Variants in PLEKHH1 observed in about 807,000 individuals in gnomAD.
PLEKHH1 encodes pleckstrin homology domain-containing family H member 1.
Under a neutral mutation model 160.0 loss-of-function variants are expected in PLEKHH1, and 104 were observed. The ratio of observed to expected loss-of-function variants is 0.65; its 90% CI spans 0.55 to 0.76. The LOEUF (loss-of-function observed/expected upper bound fraction) is 0.76, where lower values mean the gene tolerates loss of function less well. Among genes scored for constraint, PLEKHH1 ranks in the 30% least tolerant of loss-of-function variants. PLEKHH1 has a pLI of 0.00. For synonymous variants in PLEKHH1, 619 were observed against 678.4 expected, an observed-to-expected ratio of 0.91 and a Z score of 1.36; for missense variants, 1,427 against 1,724.1, an observed-to-expected ratio of 0.83 and a Z score of 3.05.
At chr14:67,568,706 A>C (rs867169794) in intron 7 of PLEKHH1, among the ~76,000 whole-genome samples, 1 of 152,172 alleles carries the variant, frequency 6.6e-6, no homozygotes, top group Non-Finnish European at 1.5e-5. Flanking sequence ...GTGTGGCCGC[A>C]GTGGCTTCCT....
At chr14:67,568,997 A>G in intron 7 of PLEKHH1, 141 bp from the exon 8 acceptor site, 1 of 598,474 alleles carries the variant, frequency 1.7e-6, no homozygotes, top group South Asian at 2.0e-5. Context: ...AAATGAAGTA[A>G]CTTGCCCAAG....
chr14:67,539,929 G>A (rs1283044697), intron 1 of PLEKHH1, among the ~76,000 whole-genome samples: 2 of 152,184 alleles, frequency 1.3e-5, no homozygotes, highest in Non-Finnish European at 2.9e-5. Context: ...TGTAGTGTAT[G>A]ATGGGAGAAA....
chr14:67,569,799 C>T (rs916549461), intron 8 of PLEKHH1, 122 bp from the exon 9 acceptor site: 9 of 692,544 alleles, frequency 1.3e-5, no homozygotes, highest in South Asian at 5.0e-5. Flanking sequence ...CCTGGCCCCC[C>T]TCTTGAGATC....
intron 22 of PLEKHH1, 91 bp downstream of exon 22, chr14:67,579,967 T>C (rs1434627777): frequency 8.0e-7 from 1 of 1,244,014 alleles, no homozygotes; most frequent in African/African-American, 1.5e-5. Flanking sequence ...GTCTGACTGT[T>C]TGGTAGCTCA....
chr14:67,562,183 A>G lies in PLEKHH1; in HGVS notation c.552A>G (p.Gly184=). The G allele has an allele frequency of 6.2e-7, 1 of 1,611,616 alleles. No homozygotes were observed. Among genetic ancestry groups the G allele is most frequent in the Non-Finnish European group, 8.5e-7 (1 of 1,178,776 alleles). The change falls in exon 7 of 29, where the codon GGA becomes GGG. Residue 184 remains glycine (G), a synonymous_variant. Coordinates refer to ENST00000329153, the MANE Select transcript of PLEKHH1 (RefSeq NM_020715.3). The part of the protein sequence containing the change: ...PSRKLLVPPY[G]AAEQDSVPSE... ...GGAAGCTGCTGGTGCCCCCCTACGG[A>G]GCTGCAGAGCAGGATTCTGTCCCTT...
intron 7 of PLEKHH1, 104 bp downstream of exon 7, chr14:67,562,998 C>G: frequency 1.6e-6 from 2 of 1,216,324 alleles, no homozygotes; most frequent in Non-Finnish European, 2.2e-6. Flanking sequence ...CTGCTGGCAT[C>G]CTCATGGTGG....
intron 5 of PLEKHH1, among the ~76,000 whole-genome samples, chr14:67,560,310 A>G (rs144150753): frequency 1.9e-4 from 29 of 152,276 alleles, no homozygotes; most frequent in African/African-American, 6.5e-4. Flanking sequence ...TAAAGGAGGG[A>G]ACCACCGTGC....
At chr14:67,567,972 C>T (rs945187057) in intron 7 of PLEKHH1, among the ~76,000 whole-genome samples, 1 of 152,234 alleles carries the variant, frequency 6.6e-6, no homozygotes. Context: ...GCTCCTTTGG[C>T]CTGTGGCCTA....
Position 67,573,455 on chromosome 14 carries a change from G to C in PLEKHH1, c.1839+69G>C. 9.7e-7 allele frequency: 1 copy of C among 1,029,490 alleles called. No individual in the cohort carries two copies. The highest frequency in any genetic ancestry group is 1.5e-6 in the Non-Finnish European group (1 of 665,264). 63.8% of individuals were successfully genotyped at this position (1,029,490 alleles called of 1,614,324 possible). A position where few individuals can be genotyped will look rare whatever the true frequency, so the allele number is the denominator to read the frequency against. On this transcript the variant is annotated intron_variant, in intron 12 of 28. Transcript: ENST00000329153. This position sits in a 1 kb window ranked among gnomAD's most constrained non-coding sequence, Gnocchi z 4.8. ...ATCACACCCTGGACTATGTCAGATGGGACGGAGGAGGGGGAATGTGGCCCA... is the reference window on the plus strand; with the variant it reads ...ATCACACCCTGGACTATGTCAGATGCGACGGAGGAGGGGGAATGTGGCCCA...
intron 1 of PLEKHH1, among the ~76,000 whole-genome samples, chr14:67,540,594 C>G (rs2033925410): frequency 6.6e-6 from 1 of 150,782 alleles, no homozygotes; most frequent in Non-Finnish European, 1.5e-5. Flanking sequence ...CCATTGTACT[C>G]CAGTGTGGCT....
At chr14:67,543,559 A>G (rs1471126454) in intron 2 of PLEKHH1, among the ~76,000 whole-genome samples, 2 of 152,222 alleles carry the variant, frequency 1.3e-5, no homozygotes, top group African/African-American at 2.4e-5. Flanking sequence ...AGTCCTCTCA[A>G]TTGAAGTCTC....
chr14:67,575,565 G>A (rs75926470), intron 15 of PLEKHH1, 93 bp downstream of exon 15: 13,156 of 826,090 alleles, frequency 0.016, 165 homozygotes, highest in Middle Eastern at 0.045. Flanking sequence ...CCTACCCCAC[G>A]TAACCCCACA....
At position 67,576,244 on chromosome 14, in the gene PLEKHH1, G is replaced by T. The variant is rs1042649380; in HGVS notation, c.2353-151G>T. The T allele has an allele frequency of 4.9e-6, 3 of 615,278 alleles. No homozygotes were observed. The highest frequency in any genetic ancestry group is 3.7e-5 in the African/African-American group (2 of 54,148). The allele number at this position is 615,278 out of a possible 1,614,324, so 38.1% of individuals were successfully genotyped here. A position where few individuals can be genotyped will look rare whatever the true frequency, so the allele number is the denominator to read the frequency against. On this transcript the variant is annotated intron_variant, in intron 16 of 28. Coordinates refer to ENST00000329153, the MANE Select transcript of PLEKHH1 (RefSeq NM_020715.3). This position sits in a 1 kb window ranked among gnomAD's most constrained non-coding sequence, Gnocchi z 4.0. ...TGGAAAGTTGGGTTCATGTTCACCT[G>T]ATCCTCAGTCTTTCCAGGTAGCCCT...
Position 67,589,203 on chromosome 14 carries a change from C to G in PLEKHH1, c.*1968C>G, listed in dbSNP as rs1342629305. 5 of 251,870 alleles carry G rather than the reference C, an allele frequency of 2.0e-5. No homozygotes were observed. Among genetic ancestry groups the G allele is most frequent in the Non-Finnish European group, 3.1e-5 (5 of 159,330 alleles). 15.6% of individuals were successfully genotyped at this position (251,870 alleles called of 1,614,324 possible). A position where few individuals can be genotyped will look rare whatever the true frequency, so the allele number is the denominator to read the frequency against. ...AAACAAGAATGGAGCTGTGTTCACA[C>G]TGAATTTGGGGTCAATCTATTTCCC... On this transcript the variant is annotated 3_prime_UTR_variant, in exon 29 of 29. Coordinates refer to ENST00000329153, the MANE Select transcript of PLEKHH1 (RefSeq NM_020715.3).
chr14:67,577,516 G>C (rs916450537), intron 18 of PLEKHH1, 102 bp downstream of exon 18: 1 of 758,338 alleles, frequency 1.3e-6, no homozygotes. Context: ...ATCTGGAGAG[G>C]AAGGGAAGGA....
chr14:67,553,443 G>T (rs1332622317), intron 2 of PLEKHH1, among the ~76,000 whole-genome samples: 1 of 152,048 alleles, frequency 6.6e-6, no homozygotes, highest in East Asian at 1.9e-4. Flanking sequence ...AAGGATCCTG[G>T]GGCAGCTCAC....
rs1379316819 is a variant in PLEKHH1 at position 67,589,575 on chromosome 14, A to G, written c.*2340A>G. 1.0e-6 allele frequency: 1 copy of G among 985,342 alleles called. No individual in the cohort carries two copies. Among genetic ancestry groups the G allele is most frequent in the African/African-American group, 1.7e-5 (1 of 57,258 alleles). 61.0% of individuals were successfully genotyped at this position (985,342 alleles called of 1,614,324 possible). A position where few individuals can be genotyped will look rare whatever the true frequency, so the allele number is the denominator to read the frequency against. ...GAAGATCTGTTTATTAACAGTAAATAAATAAGCCCTGTACAGAACACAGGC... is the reference window on the plus strand; with the variant it reads ...GAAGATCTGTTTATTAACAGTAAATGAATAAGCCCTGTACAGAACACAGGC... On this transcript the variant is annotated 3_prime_UTR_variant, in exon 29 of 29. Coordinates refer to ENST00000329153, the MANE Select transcript of PLEKHH1 (RefSeq NM_020715.3).
chr14:67,542,054 C>T (rs2033988221), intron 2 of PLEKHH1, 61 bp downstream of exon 2: 20 of 1,447,052 alleles, frequency 1.4e-5, no homozygotes, highest in Non-Finnish European at 1.8e-5. Context: ...CAGGGAGGGC[C>T]GTGTGAGAGA....
At position 67,562,305 on chromosome 14, in the gene PLEKHH1, G is replaced by A; in HGVS notation, c.674G>A (p.Ser225Asn). The A allele has an allele frequency of 1.9e-6, 3 of 1,613,946 alleles. No homozygotes were observed. Among genetic ancestry groups the A allele is most frequent in the East Asian group, 2.2e-5 (1 of 44,868 alleles). The change falls in exon 7 of 29, where the codon AGC (serine) becomes AAC (asparagine). Residue 225 changes from serine (S) to asparagine (N), a missense_variant. Ser to Asn is a conservative substitution (Grantham distance 46). This residue lies in a region of PLEKHH1 where 831 missense variants were observed against 929.2 expected (regional missense o/e 0.89). Coordinates refer to ENST00000329153, the MANE Select transcript of PLEKHH1 (RefSeq NM_020715.3). ...VLAPSPGALQSKDSVSEAASP... is the reference protein window; with the variant it reads ...VLAPSPGALQNKDSVSEAASP... ...GCACCTTCCCCAGGTGCCCTGCAGA[G>A]CAAGGACTCTGTTTCTGAAGCAGCA...
Sources: allele counts gnomAD v4.1 joint callset (sites outside exome capture counted in the v4.1 genomes callset), GRCh38; gene constraint gnomAD v4.1.1; regional missense constraint gnomAD v4.1.1; non-coding constraint Gnocchi (gnomAD v3.1); transcripts MANE v1.5; gene names NCBI Gene and HGNC (gene_info 2026-07-23, HGNC 2026-07-21).